The following PTPRU variants were observed in gnomAD, a reference collection of about 807,000 sequenced individuals.
PTPRU encodes the protein protein tyrosine phosphatase receptor type U, also known as receptor-type tyrosine-protein phosphatase U.
A neutral mutation model predicts 166.3 loss-of-function variants in PTPRU; 69 were observed. That is an observed-to-expected ratio of 0.41 (90% CI 0.34 to 0.51). The LOEUF (loss-of-function observed/expected upper bound fraction) is 0.51. Among genes scored for constraint, PTPRU ranks in the 20% least tolerant of loss-of-function variants. The probability of loss-of-function intolerance (pLI) is 0.09; values close to 1 mark genes in which losing one functional copy is unlikely to be tolerated. For synonymous variants in PTPRU, 793 were observed against 814.0 expected, an observed-to-expected ratio of 0.97 and a Z score of 0.44; for missense variants, 1,657 against 2,013.7, an observed-to-expected ratio of 0.82 and a Z score of 3.39.
intron 15 of PTPRU, 96 bp from the exon 16 acceptor site, chr1:29,303,759 G>T: frequency 7.6e-7 from 1 of 1,308,158 alleles, no homozygotes; most frequent in Non-Finnish European, 1.1e-6. Flanking sequence ...CTTGGCATTG[G>T]CTGTGCCTCC....
chr1:29,309,380 A>T (rs142081285), intron 18 of PTPRU, among the ~76,000 whole-genome samples: 1 of 152,278 alleles, frequency 6.6e-6, no homozygotes, highest in East Asian at 1.9e-4. Flanking sequence ...AGAGTTACAC[A>T]GCTACTGCTC....
chr1:29,325,706 C>CTA lies in PTPRU; in HGVS notation c.*45_*46insTA. The CTA allele has an allele frequency of 2.6e-6, 4 of 1,513,616 alleles. No homozygotes were observed. The highest frequency in any genetic ancestry group is 1.2e-5 in the South Asian group (1 of 81,024). 93.8% of individuals were successfully genotyped at this position (1,513,616 alleles called of 1,614,324 possible). On this transcript the variant is annotated 3_prime_UTR_variant, in exon 30 of 30. Transcript: ENST00000373779. ...ACCCACTGCACACTCAGGGCCAGACCCACCATCCTGGACTGGCGAGGAAGA... is the reference window on the plus strand; with the variant it reads ...ACCCACTGCACACTCAGGGCCAGACCTACACCATCCTGGACTGGCGAGGAAGA...
chr1:29,280,640 G>A lies in PTPRU; in HGVS notation c.1868+499G>A, dbSNP rs921411304. 3.4e-5 allele frequency among the ~76,000 whole-genome samples: 5 copies of A among 147,278 alleles called. No individual in the cohort carries two copies. The highest frequency in any genetic ancestry group is 1.3e-4 in the African/African-American group (5 of 39,144). On this transcript the variant is annotated intron_variant, in intron 11 of 29. Coordinates refer to ENST00000373779, the MANE Select transcript of PTPRU (RefSeq NM_133178.4). The surrounding 1 kb of genome is among the most constrained non-coding windows in gnomAD (Gnocchi z 4.2). ...TGCCTCTGCTGGGGAGAGGGTGCTG[G>A]AGACAAGACTGTGTGTGTGTGTGTG...
chr1:29,303,952 G>T lies in PTPRU; in HGVS notation c.2574G>T (p.Gly858=), dbSNP rs141680370. ...CGRKGSPYHT[G]QLHPAVRVAD... is the part of the protein sequence containing the mutation. Reference sequence around the variant, plus strand: ...GGAAGGGCTCCCCATACCACACGGGGCAGCTGCACCCTGCGGTGCGTGTCG... The same window carrying T: ...GGAAGGGCTCCCCATACCACACGGGTCAGCTGCACCCTGCGGTGCGTGTCG... The change falls in exon 16 of 30, where the codon GGG becomes GGT. Residue 858 remains glycine, a synonymous_variant. Transcript: ENST00000373779. 8,881 of 1,614,052 alleles carry T rather than the reference G, an allele frequency of 5.5e-3. 36 individuals are homozygous for T. Among genetic ancestry groups the T allele is most frequent in the Non-Finnish European group, 6.5e-3 (7,715 of 1,179,928 alleles).
At chr1:29,288,259 G>A (rs1400506108) in intron 14 of PTPRU, among the ~76,000 whole-genome samples, 1 of 152,102 alleles carries the variant, frequency 6.6e-6, no homozygotes, top group Non-Finnish European at 1.5e-5. Flanking sequence ...GGAAACTGAG[G>A]GAGACAAAAA....
intron 18 of PTPRU, among the ~76,000 whole-genome samples, chr1:29,309,101 C>T (rs541978158): frequency 4.6e-5 from 7 of 152,100 alleles, no homozygotes; most frequent in South Asian, 4.1e-4. Context: ...TGGTCATTTT[C>T]GTGGGAACAG....
intron 7 of PTPRU, among the ~76,000 whole-genome samples, chr1:29,267,795 C>T (rs1685369218): frequency 6.6e-6 from 1 of 152,074 alleles, no homozygotes; most frequent in South Asian, 2.1e-4. Context: ...TCACTCTGGC[C>T]CTTTTGTGGA....
chr1:29,283,785 T>C, intron 12 of PTPRU, 155 bp from the exon 13 acceptor site: 1 of 822,026 alleles, frequency 1.2e-6, no homozygotes, highest in Non-Finnish European at 2.0e-6. Context: ...CTCTCAAGGG[T>C]CCCCCCAGGC....
intron 8 of PTPRU, among the ~76,000 whole-genome samples, chr1:29,277,267 A>G (rs371747189): frequency 1.4e-3 from 211 of 152,052 alleles, no homozygotes; most frequent in African/African-American, 4.7e-3. Flanking sequence ...CGCCTGGCTA[A>G]TTTTTGTATT....
Position 29,300,515 on chromosome 1 carries a change from G to A in PTPRU, c.2477-3340G>A, listed in dbSNP as rs151320997. On this transcript the variant is annotated intron_variant, in intron 15 of 29. Coordinates refer to ENST00000373779, the MANE Select transcript of PTPRU (RefSeq NM_133178.4). ...CCACTTAATCATCTTGCATACCTAC[G>A]ATTTTCTGAAACACTTTGGCAACCA... Among the ~76,000 whole-genome samples the A allele has an allele frequency of 3.4e-4, 52 of 152,128 alleles. No individual in the cohort carries two copies. In the East Asian group the frequency reaches 9.6e-3, roughly 28 times the overall value.
In PTPRU at chr1:29,279,307, G is replaced by A. The variant is rs554934580; in HGVS notation, c.1564-149G>A. The A allele has an allele frequency of 5.7e-5, 59 of 1,034,386 alleles. No homozygotes were observed. The Middle Eastern group carries it at 8.4e-4, about 15-fold the overall frequency. The allele number at this position is 1,034,386 out of a possible 1,614,324, so 64.1% of individuals were successfully genotyped here. A position where few individuals can be genotyped will look rare whatever the true frequency, so the allele number is the denominator to read the frequency against. ...GGTCCTGAAGGCAGGAGGGAGAGCC[G>A]AAGATGACTAGAAGCCTGGCTTGAT... On this transcript the variant is annotated intron_variant, in intron 9 of 29. Transcript: ENST00000373779. The surrounding 1 kb of genome is among the most constrained non-coding windows in gnomAD (Gnocchi z 5.2).
intron 1 of PTPRU, among the ~76,000 whole-genome samples, 193 bp from the exon 2 acceptor site, chr1:29,255,082 G>A (rs942351238): frequency 2.6e-5 from 4 of 152,142 alleles, no homozygotes; most frequent in African/African-American, 9.7e-5. Context: ...GGTATTGGGA[G>A]GGGACCTTGG....
chr1:29,320,309 A>G lies in PTPRU; in HGVS notation c.3688-376A>G, dbSNP rs986274495. On this transcript the variant is annotated intron_variant, in intron 25 of 29. Coordinates refer to ENST00000373779, the MANE Select transcript of PTPRU (RefSeq NM_133178.4). This position sits in a 1 kb window ranked among gnomAD's most constrained non-coding sequence, Gnocchi z 5.2. ...CCAGAAGGAAGTGAGGGAGACAGCC[A>G]TATAGACATTTGGGAAATTTGGCCT... 6 of 183,562 alleles carry G rather than the reference A, an allele frequency of 3.3e-5. No individual in the cohort carries two copies. The highest frequency in any genetic ancestry group is 6.7e-5 in the Non-Finnish European group (6 of 89,120). 11.4% of individuals were successfully genotyped at this position (183,562 alleles called of 1,614,324 possible).
At chr1:29,253,866 G>C (rs573219982) in intron 1 of PTPRU, among the ~76,000 whole-genome samples, 44 of 152,058 alleles carry the variant, frequency 2.9e-4, no homozygotes, top group Non-Finnish European at 5.9e-4. Flanking sequence ...GAGTGCTTAA[G>C]TATGCTAGGC....
Position 29,238,499 on chromosome 1 carries a change from C to T in PTPRU, c.73+1782C>T, listed in dbSNP as rs1002614169. 2.6e-5 allele frequency among the ~76,000 whole-genome samples: 4 copies of T among 152,220 alleles called. No homozygotes were observed. Among genetic ancestry groups the T allele is most frequent in the Non-Finnish European group, 4.4e-5 (3 of 68,046 alleles). On this transcript the variant is annotated intron_variant, in intron 1 of 29. Transcript: ENST00000373779. This position sits in a 1 kb window ranked among gnomAD's most constrained non-coding sequence, Gnocchi z 6.1. ...GCCAGCCGCAGACAACTGACCTCCC[C>T]GGCATCGCGTTCGCGGCCCTGCTGC...
Position 29,257,197 on chromosome 1 carries a change from A to G in PTPRU, c.206-1308A>G, listed in dbSNP as rs75340284. Reference sequence around the variant, plus strand: ...TTGGAAGAGGGAGAAAGATGCACACAGCTGCTCGCAGGGAGAGGAGAGAGA... The same window carrying G: ...TTGGAAGAGGGAGAAAGATGCACACGGCTGCTCGCAGGGAGAGGAGAGAGA... On this transcript the variant is annotated intron_variant, in intron 2 of 29. Transcript: ENST00000373779. This position sits in a 1 kb window ranked among gnomAD's most constrained non-coding sequence, Gnocchi z 4.6. 0.036 allele frequency among the ~76,000 whole-genome samples: 5,202 copies of G among 144,324 alleles called. 308 individuals are homozygous for G. The highest frequency in any genetic ancestry group is 0.12 in the African/African-American group (4,903 of 40,310). The allele number at this position is 144,324 out of a possible 152,430, so 94.7% of individuals were successfully genotyped here.
Position 29,323,437 on chromosome 1 carries a change from T to G in PTPRU, c.3895T>G (p.Ser1299Ala). 6.2e-7 allele frequency: 1 copy of G among 1,609,704 alleles called. No homozygotes were observed. The highest frequency in any genetic ancestry group is 1.1e-5 in the South Asian group (1 of 90,086). Reference protein sequence around the residue: ...QYGLMEVEFMSGTADEDLVAR... With the variant: ...QYGLMEVEFMAGTADEDLVAR... ...TGGCCTCATGGAGGTGGAGTTTATG[T>G]CGGGCACAGCTGATGAAGACTTAGT... The change falls in exon 27 of 30, where the codon TCG (serine) becomes GCG (alanine). Residue 1299 changes from serine to alanine, a missense_variant. Coordinates refer to ENST00000373779, the MANE Select transcript of PTPRU (RefSeq NM_133178.4).
chr1:29,260,602 C>G lies in PTPRU; in HGVS notation c.851-8C>G, dbSNP rs1685012180. The G allele has an allele frequency of 1.3e-6, 2 of 1,490,002 alleles. No homozygotes were observed. The highest frequency in any genetic ancestry group is 2.7e-5 in the South Asian group (2 of 73,038). 92.3% of individuals were successfully genotyped at this position (1,490,002 alleles called of 1,614,324 possible). A position where few individuals can be genotyped will look rare whatever the true frequency, so the allele number is the denominator to read the frequency against. On this transcript the variant is annotated splice_region_variant and splice_polypyrimidine_tract_variant and intron_variant, in intron 6 of 29. Coordinates refer to ENST00000373779, the MANE Select transcript of PTPRU (RefSeq NM_133178.4). The surrounding 1 kb of genome is among the most constrained non-coding windows in gnomAD (Gnocchi z 8.3). ...GGTCCGCCTCGCCTCTCCCCCATCT[C>G]CTCGCAGAGCCCCCAACTCCCATCG... is the stretch of plus-strand genomic sequence containing the variant.
intron 7 of PTPRU, among the ~76,000 whole-genome samples, chr1:29,264,280 G>T: frequency 6.6e-6 from 1 of 151,332 alleles, no homozygotes; most frequent in South Asian, 2.1e-4. Context: ...TCTTTTTCTT[G>T]ATAGTTTTTT....
Sources: allele counts gnomAD v4.1 joint callset (sites outside exome capture counted in the v4.1 genomes callset), GRCh38; gene constraint gnomAD v4.1.1; non-coding constraint Gnocchi (gnomAD v3.1); transcripts MANE v1.5; gene names NCBI Gene and HGNC (gene_info 2026-07-23, HGNC 2026-07-21).